NBEA: variants seen among roughly 807,000 people sequenced by gnomAD.
The protein encoded by NBEA is neurobeachin.
Under a neutral mutation model 343.4 loss-of-function variants are expected in NBEA, and 44 were observed. That is an observed-to-expected ratio of 0.13 (90% CI 0.10 to 0.16). The LOEUF is 0.16. NBEA is among the 10% of genes least tolerant of loss of function. The pLI, the probability that NBEA is intolerant of heterozygous loss-of-function variation, is 1.00. For synonymous variants in NBEA, 1,175 were observed against 1,238.7 expected (o/e 0.95, Z 1.08); for missense variants, 2,555 against 3,631.3 (o/e 0.70, Z 7.62).
chr13:35,141,276 G>GA (rs2068077127), intron 17 of NBEA, among the ~76,000 whole-genome samples: 1 of 151,672 alleles, frequency 6.6e-6, no homozygotes, highest in Non-Finnish European at 1.5e-5. Context: ...TTGTTTTTTT[G>GA]TTTTTTTCTT....
chr13:35,251,323 G>A, intron 34 of NBEA: 1 of 954,196 alleles, frequency 1.0e-6, no homozygotes, highest in Non-Finnish European at 1.3e-6. Flanking sequence ...CTTCCAGCCT[G>A]TCACTGCCAG....
rs190959827 is a variant in NBEA, at chr13:34,992,420, A to G, written c.295-48513A>G. Among the ~76,000 whole-genome samples, 9 of 150,768 alleles carry G rather than the reference A, an allele frequency of 6.0e-5. No homozygotes were observed. The East Asian group carries it at 1.8e-3, about 30-fold the overall frequency. ...CAGGCACATGCCACCATGCCTGGCT[A>G]CTTTTTTGTATTTTTAGGAGAGATG... On this transcript the variant is annotated intron_variant, in intron 1 of 58. Transcript: ENST00000379939.
At chr13:35,571,138 A>G (rs150624496) in intron 45 of NBEA, among the ~76,000 whole-genome samples, 4 of 152,338 alleles carry the variant, frequency 2.6e-5, no homozygotes, top group African/African-American at 9.6e-5. Flanking sequence ...ATTTGTTTCA[A>G]TAAACATGTG....
intron 36 of NBEA, among the ~76,000 whole-genome samples, chr13:35,310,668 C>G (rs970807465): frequency 1.3e-5 from 2 of 152,166 alleles, no homozygotes; most frequent in Non-Finnish European, 2.9e-5. Flanking sequence ...TAGCTTCTAT[C>G]AGCCCAAGAC....
At chr13:34,944,745 T>A (rs1038053790) in intron 1 of NBEA, among the ~76,000 whole-genome samples, 1 of 152,206 alleles carries the variant, frequency 6.6e-6, no homozygotes, top group African/African-American at 2.4e-5. Flanking sequence ...AGGAACACAT[T>A]TTTAGTTGCA....
At chr13:35,102,453 AT>A (rs1183382588) in intron 11 of NBEA, among the ~76,000 whole-genome samples, 17 of 151,844 alleles carry the variant, frequency 1.1e-4, no homozygotes, top group Admixed American at 1.1e-3. Flanking sequence ...ACCAAAAAAC[AT>A]GAGGATTTTT....
intron 48 of NBEA, among the ~76,000 whole-genome samples, chr13:35,620,202 G>A (rs953696895): frequency 1.3e-5 from 2 of 152,086 alleles, no homozygotes; most frequent in Non-Finnish European, 2.9e-5. Flanking sequence ...GGAGACAGGC[G>A]ATAGACAATT....
At chr13:35,101,472 A>T (rs1255654962) in intron 11 of NBEA, among the ~76,000 whole-genome samples, 1 of 151,756 alleles carries the variant, frequency 6.6e-6, no homozygotes, top group Non-Finnish European at 1.5e-5. Context: ...GTCTATTTTC[A>T]TGTGCTTATT....
chr13:34,996,757 A>G (rs187894617), intron 1 of NBEA, among the ~76,000 whole-genome samples: 19 of 151,962 alleles, frequency 1.3e-4, no homozygotes, highest in African/African-American at 4.3e-4. Flanking sequence ...ACTCACTATT[A>G]AATGTGTGTG....
chr13:35,168,572 G>A (rs2070219315), intron 24 of NBEA, among the ~76,000 whole-genome samples: 1 of 151,436 alleles, frequency 6.6e-6, no homozygotes, highest in South Asian at 2.1e-4. Flanking sequence ...GGTATAAATA[G>A]TTCATTTCCC....
intron 34 of NBEA, among the ~76,000 whole-genome samples, chr13:35,258,325 A>G (rs1051245888): frequency 1.3e-5 from 2 of 151,332 alleles, no homozygotes; most frequent in African/African-American, 4.9e-5. Flanking sequence ...GCGCCACCAC[A>G]CTTGGCTAAT....
intron 38 of NBEA, among the ~76,000 whole-genome samples, chr13:35,360,415 T>C (rs982883791): frequency 6.6e-6 from 1 of 151,946 alleles, no homozygotes; most frequent in African/African-American, 2.4e-5. Flanking sequence ...AAAGAGGAAG[T>C]TAACATGATC....
intron 41 of NBEA, among the ~76,000 whole-genome samples, chr13:35,531,267 C>T (rs1318774786): frequency 6.6e-6 from 1 of 152,140 alleles, no homozygotes; most frequent in African/African-American, 2.4e-5. Context: ...TAGCTATTGA[C>T]ATCTGTGCCT....
chr13:35,041,888 T>C (rs977493715), intron 2 of NBEA, among the ~76,000 whole-genome samples: 1 of 151,906 alleles, frequency 6.6e-6, no homozygotes, highest in Non-Finnish European at 1.5e-5. Flanking sequence ...AGAAAATAAG[T>C]TTAAAGTTTA....
intron 36 of NBEA, among the ~76,000 whole-genome samples, 191 bp downstream of exon 36, chr13:35,309,783 G>A (rs551129307): frequency 6.6e-5 from 10 of 152,198 alleles, no homozygotes; most frequent in South Asian, 4.2e-4. Flanking sequence ...AGAAAAAGCC[G>A]TGCATGAAAT....
chr13:35,592,111 A>G (rs2081566739), intron 46 of NBEA, among the ~76,000 whole-genome samples: 1 of 152,130 alleles, frequency 6.6e-6, no homozygotes, highest in Non-Finnish European at 1.5e-5. Flanking sequence ...CTCCCAACTT[A>G]AGAATTACAG....
In NBEA at chr13:35,397,071, A is replaced by G. The variant is rs144442117; in HGVS notation, c.6180-35198A>G. Among the ~76,000 whole-genome samples, 465 of 152,288 alleles carry G rather than the reference A, an allele frequency of 3.1e-3. 3 individuals carry two copies. Among genetic ancestry groups the G allele is most frequent in the African/African-American group, 0.011 (442 of 41,568 alleles). Reference sequence around the variant, plus strand: ...GTTTTCCTCACACTGAAGCCAAAGTAAGATAAAGTAAAAATTTAATTTTAT... The same window carrying G: ...GTTTTCCTCACACTGAAGCCAAAGTGAGATAAAGTAAAAATTTAATTTTAT... On this transcript the variant is annotated intron_variant, in intron 38 of 58. Transcript: ENST00000379939.
chr13:35,561,646 A>G (rs2079861836), intron 44 of NBEA, among the ~76,000 whole-genome samples: 2 of 152,124 alleles, frequency 1.3e-5, no homozygotes, highest in African/African-American at 4.8e-5. Flanking sequence ...TCTCCTTTCT[A>G]GATGCTTTTA....
In NBEA at chr13:35,645,790, A is replaced by G. The variant is rs570693722; in HGVS notation, c.7618-79A>G. Reference sequence around the variant, plus strand: ...TTTCTGCTGATCACCCTCTGAATTAATTGGAACCTATAACTTTCTGAATTT... The same window carrying G: ...TTTCTGCTGATCACCCTCTGAATTAGTTGGAACCTATAACTTTCTGAATTT... On this transcript the variant is annotated intron_variant, in intron 49 of 58. Transcript: ENST00000379939. The G allele has an allele frequency of 2.0e-5, 16 of 792,796 alleles. 1 individual carries two copies. In the South Asian group the frequency reaches 2.5e-4, roughly 13 times the overall value. The allele number at this position is 792,796 out of a possible 1,614,324, so 49.1% of individuals were successfully genotyped here.
Sources: allele counts gnomAD v4.1 joint callset (sites outside exome capture counted in the v4.1 genomes callset), GRCh38; gene constraint gnomAD v4.1.1; transcripts MANE v1.5; gene names NCBI Gene and HGNC (gene_info 2026-07-23, HGNC 2026-07-21).